The following GLI2 variants were observed in gnomAD, a reference collection of about 807,000 sequenced individuals.
GLI2 encodes GLI family zinc finger 2.
In GLI2, 22 loss-of-function variants were observed where a neutral mutation model predicts 78.9. That is an observed-to-expected ratio of 0.28 (90% CI 0.20 to 0.40). GLI2 has a LOEUF of 0.40. Ranked by LOEUF, GLI2 falls within the 10% of genes least tolerant of loss-of-function variation. The probability of loss-of-function intolerance (pLI) is 1.00; values close to 1 mark genes in which losing one functional copy is unlikely to be tolerated. For synonymous variants in GLI2, 974 were observed against 963.7 expected (o/e 1.01, Z -0.20); for missense variants, 2,097 against 2,213.2 (o/e 0.95, Z 1.05).
intron 1 of GLI2, among the ~76,000 whole-genome samples, chr2:120,791,202 C>A (rs1280824209): frequency 2.6e-5 from 4 of 152,196 alleles, no homozygotes; most frequent in Non-Finnish European, 5.9e-5. Context: ...TCCTGGGGAA[C>A]CCTTACGTTC....
chr2:120,933,058 T>A (rs1680020403), intron 3 of GLI2, among the ~76,000 whole-genome samples: 1 of 151,956 alleles, frequency 6.6e-6, no homozygotes, highest in African/African-American at 2.4e-5. Context: ...GGAACTGTGG[T>A]GAGAGGACCT....
chr2:120,799,304 G>A (rs1684573430), intron 2 of GLI2, among the ~76,000 whole-genome samples: 1 of 152,192 alleles, frequency 6.6e-6, no homozygotes, highest in Admixed American at 6.5e-5. Flanking sequence ...CTTGTTGTCT[G>A]ATCGCAGGGT....
intron 2 of GLI2, among the ~76,000 whole-genome samples, chr2:120,891,648 C>T (rs1677686828): frequency 6.6e-6 from 1 of 152,264 alleles, no homozygotes; most frequent in Non-Finnish European, 1.5e-5. Flanking sequence ...GCCTGGCTTT[C>T]CCCTGGATGC....
intron 3 of GLI2, among the ~76,000 whole-genome samples, chr2:120,941,754 G>T (rs1367785047): frequency 6.6e-6 from 1 of 152,260 alleles, no homozygotes; most frequent in Non-Finnish European, 1.5e-5. Context: ...CCATGGCCCT[G>T]TGATCCTGGT....
intron 2 of GLI2, among the ~76,000 whole-genome samples, chr2:120,892,117 C>T (rs186692479): frequency 1.2e-3 from 177 of 152,286 alleles, no homozygotes; most frequent in Non-Finnish European, 1.5e-3. Context: ...GTCCCATTGT[C>T]GGGCCCCCAT....
chr2:120,926,407 C>G lies in GLI2; in HGVS notation c.149-954C>G, dbSNP rs144597622. On this transcript the variant is annotated intron_variant, in intron 2 of 13. Transcript: ENST00000361492. ...TTTCTTAGCCTAGCAGTCAGCTGAC[C>G]TGTACATACCTATCACAAACCCATC... Among the ~76,000 whole-genome samples, 596 of 152,274 alleles carry G rather than the reference C, an allele frequency of 3.9e-3. 15 individuals are homozygous for G. Among genetic ancestry groups the G allele is most frequent in the Admixed American group, 0.035 (529 of 15,294 alleles).
At position 120,990,707 on chromosome 2, in the gene GLI2, G is replaced by A; in HGVS notation, c.*32G>A. 5 of 1,581,046 alleles carry A rather than the reference G, an allele frequency of 3.2e-6. No individual in the cohort carries two copies. The highest frequency in any genetic ancestry group is 4.3e-6 in the Non-Finnish European group (5 of 1,157,000). On this transcript the variant is annotated 3_prime_UTR_variant, in exon 14 of 14. Coordinates refer to ENST00000361492, the MANE Select transcript of GLI2 (RefSeq NM_001374353.1). ...GAGCGCCTGGTGCTGAGTGCACCCGGAGGGGTCATCGCTGCCCAGAGCCTG... is the reference window on the plus strand; with the variant it reads ...GAGCGCCTGGTGCTGAGTGCACCCGAAGGGGTCATCGCTGCCCAGAGCCTG...
At chr2:120,749,677 C>A (rs1238873328) in intron 1 of GLI2, among the ~76,000 whole-genome samples, 1 of 152,238 alleles carries the variant, frequency 6.6e-6, no homozygotes. Context: ...CATAATTGTT[C>A]TGTTCGTGAT....
chr2:120,828,146 T>G (rs1427063258), intron 2 of GLI2, among the ~76,000 whole-genome samples: 1 of 152,268 alleles, frequency 6.6e-6, no homozygotes, highest in Non-Finnish European at 1.5e-5. Context: ...CCTTGGGTCC[T>G]CCTGGTTCCT....
intron 1 of GLI2, among the ~76,000 whole-genome samples, chr2:120,759,808 ACCG>A (rs1683161485): frequency 6.6e-6 from 1 of 152,136 alleles, no homozygotes; most frequent in African/African-American, 2.4e-5. Flanking sequence ...TTTTCAGGTG[ACCG>A]GCTTCCATCC....
chr2:120,978,718 G>C, intron 10 of GLI2, 135 bp downstream of exon 10: 2 of 977,030 alleles, frequency 2.0e-6, no homozygotes, highest in Admixed American at 4.4e-5. Flanking sequence ...TCTGGGACAG[G>C]AGCCTGTTCC....
At chr2:120,934,517 C>T (rs886724953) in intron 3 of GLI2, among the ~76,000 whole-genome samples, 2 of 152,186 alleles carry the variant, frequency 1.3e-5, no homozygotes, top group African/African-American at 4.8e-5. Context: ...CCAAGGCCAC[C>T]CTTCCTGGAG....
At chr2:120,843,021 T>C (rs1686957109) in intron 2 of GLI2, among the ~76,000 whole-genome samples, 1 of 152,216 alleles carries the variant, frequency 6.6e-6, no homozygotes, top group Admixed American at 6.5e-5. Flanking sequence ...TCATTTATGA[T>C]GACACTAAAA....
At chr2:120,808,411 C>A (rs1685062772) in intron 2 of GLI2, among the ~76,000 whole-genome samples, 1 of 152,174 alleles carries the variant, frequency 6.6e-6, no homozygotes, top group South Asian at 2.1e-4. Context: ...TGTGACCTCT[C>A]CCCAGTGGCT....
At chr2:120,802,334 A>AAG (rs751533544) in intron 2 of GLI2, among the ~76,000 whole-genome samples, 24 of 152,312 alleles carry the variant, frequency 1.6e-4, no homozygotes, top group Admixed American at 4.6e-4. Context: ...AGACTGGGGA[A>AAG]AGGTTAGTTT....
chr2:120,948,479 G>A (rs1680823513), intron 3 of GLI2, among the ~76,000 whole-genome samples: 1 of 152,158 alleles, frequency 6.6e-6, no homozygotes, highest in African/African-American at 2.4e-5. Context: ...GCACCGTGGA[G>A]GCGGAAGTCC....
Position 120,990,025 on chromosome 2 carries a change from C to A in GLI2, c.4060C>A (p.Pro1354Thr). 6.2e-7 allele frequency: 1 copy of A among 1,606,240 alleles called. No individual in the cohort carries two copies. Among genetic ancestry groups the A allele is most frequent in the Non-Finnish European group, 8.5e-7 (1 of 1,176,166 alleles). Residue 1354 changes from proline (P) to threonine (T), a missense_variant, in exon 14 of 14, where the codon CCC (proline) becomes ACC (threonine). Transcript: ENST00000361492. ...VATAGFGLVQ[P>T]RPPLEPSPTG... ...TACAGCAGGCTTTGGCCTAGTGCAGCCCCGGCCTCCCCTCGAGCCCAGCCC... is the reference window on the plus strand; with the variant it reads ...TACAGCAGGCTTTGGCCTAGTGCAGACCCGGCCTCCCCTCGAGCCCAGCCC...
At chr2:120,792,884 G>A (rs910135892) in intron 1 of GLI2, among the ~76,000 whole-genome samples, 2 of 152,224 alleles carry the variant, frequency 1.3e-5, no homozygotes, top group Non-Finnish European at 2.9e-5. Flanking sequence ...GCCTCCCAAA[G>A]TGCTGGGATT....
chr2:120,922,310 T>C (rs186013963), intron 2 of GLI2, among the ~76,000 whole-genome samples: 26 of 152,322 alleles, frequency 1.7e-4, no homozygotes, highest in African/African-American at 6.0e-4. Flanking sequence ...TCTGGGCAGG[T>C]CCCTGGTCTT....
Sources: gnomAD v4.1 joint callset for allele counts (sites outside exome capture counted in the v4.1 genomes callset) on GRCh38, gnomAD v4.1.1 for gene constraint, MANE v1.5 for transcripts, NCBI Gene and HGNC (gene_info 2026-07-23, HGNC 2026-07-21) for gene names.